Variants in ATP13A5 observed in about 807,000 individuals in gnomAD.
The protein encoded by ATP13A5 is probable cation-transporting ATPase 13A5.
In ATP13A5, 149 loss-of-function variants were observed where a neutral mutation model predicts 150.2. The observed-to-expected ratio is 0.99, with a 90% CI of 0.87 to 1.14. The LOEUF is 1.14. Ranked by LOEUF, ATP13A5 falls within the 50% of genes most tolerant of loss-of-function variation. The probability of loss-of-function intolerance (pLI) is 0.00; values close to 1 mark genes in which losing one functional copy is unlikely to be tolerated. For synonymous variants in ATP13A5, 497 were observed against 522.2 expected (o/e 0.95, Z 0.66); for missense variants, 1,383 against 1,449.3 (o/e 0.95, Z 0.74).
chr3:193,336,166 C>T (rs1711850412), intron 9 of ATP13A5, among the ~76,000 whole-genome samples: 1 of 152,048 alleles, frequency 6.6e-6, no homozygotes, highest in Non-Finnish European at 1.5e-5. Context: ...GGAACAAGAA[C>T]TTTGACATAT....
In ATP13A5 at chr3:193,363,258, G is replaced by T. The variant is rs770810735; in HGVS notation, c.362C>A (p.Ala121Asp). The stretch of plus-strand genomic sequence containing the variant: ...TACTTTTAATTCTGGCTTTATTAAG[G>T]CTTGGTTTATGACAGAGTGGCGGTC... ...VADRHSVINQALIKPELKLRC... is the reference protein window; with the variant it reads ...VADRHSVINQDLIKPELKLRC... The change falls in exon 3 of 30, where the codon GCC becomes GAC. Residue 121 changes from alanine to aspartate, a missense_variant. Transcript: ENST00000342358. The T allele has an allele frequency of 1.2e-5, 19 of 1,613,530 alleles. No individual in the cohort carries two copies. The highest frequency in any genetic ancestry group is 1.5e-5 in the Non-Finnish European group (18 of 1,179,660).
At chr3:193,348,003 A>G (rs1276528082) in intron 7 of ATP13A5, among the ~76,000 whole-genome samples, 1 of 152,208 alleles carries the variant, frequency 6.6e-6, no homozygotes, top group African/African-American at 2.4e-5. Context: ...AGCCTATCAC[A>G]TAGTAGGCCC....
At chr3:193,275,716 A>C (rs1192845091) in intron 29 of ATP13A5, among the ~76,000 whole-genome samples, 1 of 152,186 alleles carries the variant, frequency 6.6e-6, no homozygotes, top group Non-Finnish European at 1.5e-5. Flanking sequence ...TAGAAATCAA[A>C]TGTTTATTGG....
chr3:193,279,308 A>G (rs577515314), intron 28 of ATP13A5, 58 bp downstream of exon 28: 63 of 1,306,854 alleles, frequency 4.8e-5, no homozygotes, highest in African/African-American at 3.8e-4. Context: ...GTGAATTACA[A>G]TGAATACATG....
At chr3:193,358,373 A>C (rs2108897222) in intron 5 of ATP13A5, among the ~76,000 whole-genome samples, 1 of 152,332 alleles carries the variant, frequency 6.6e-6, no homozygotes. Flanking sequence ...TCACAGATGC[A>C]CAGGACATGG....
At chr3:193,282,308 T>C (rs1028594367) in intron 27 of ATP13A5, among the ~76,000 whole-genome samples, 1 of 152,164 alleles carries the variant, frequency 6.6e-6, no homozygotes, top group Non-Finnish European at 1.5e-5. Context: ...GTATTAGTAA[T>C]AATTCGTTAA....
chr3:193,343,260 T>G (rs1252919184), intron 9 of ATP13A5, among the ~76,000 whole-genome samples: 2 of 152,210 alleles, frequency 1.3e-5, no homozygotes, highest in Non-Finnish European at 2.9e-5. Context: ...TGTATTTTAA[T>G]TTTTTGCCTA....
At chr3:193,333,144 C>T (rs530381299) in intron 11 of ATP13A5, among the ~76,000 whole-genome samples, 2 of 150,624 alleles carry the variant, frequency 1.3e-5, no homozygotes, top group African/African-American at 5.0e-5. Flanking sequence ...CTCTCTCACA[C>T]ACACACACAC....
At position 193,378,730 on chromosome 3, in the gene ATP13A5, A is replaced by T. The variant is rs768190359; in HGVS notation, c.-5T>A. ...CTTCTTACTGTTCTCTTCCATCTGA[A>T]CTCAACCGGCGAGGATCTCTTCTGG... On this transcript the variant is annotated 5_prime_UTR_variant, in exon 1 of 30. Coordinates refer to ENST00000342358, the MANE Select transcript of ATP13A5 (RefSeq NM_198505.4). 52 of 1,613,398 alleles carry T rather than the reference A, an allele frequency of 3.2e-5. No individual in the cohort carries two copies. The South Asian group carries it at 5.7e-4, about 18-fold the overall frequency.
At chr3:193,352,345 G>A (rs1270583905) in intron 6 of ATP13A5, among the ~76,000 whole-genome samples, 1 of 152,146 alleles carries the variant, frequency 6.6e-6, no homozygotes, top group African/African-American at 2.4e-5. Context: ...TAGATTATGT[G>A]CAAATGATAA....
chr3:193,312,882 G>A (rs1473262910), intron 19 of ATP13A5: 1 of 152,152 alleles, frequency 6.6e-6, no homozygotes, highest in Non-Finnish European at 1.5e-5. Flanking sequence ...CCTGAGACAA[G>A]GGCAGGAATT....
At position 193,289,959 on chromosome 3, in the gene ATP13A5, G is replaced by A. The variant is rs1439624418; in HGVS notation, c.2949C>T (p.Phe983=). 1 of 1,612,952 alleles carries A rather than the reference G, an allele frequency of 6.2e-7. No homozygotes were observed. Among genetic ancestry groups the A allele is most frequent in the South Asian group, 1.1e-5 (1 of 91,030 alleles). ...LLLSIFLNSC[F]SCIVQISAFL... Reference sequence around the variant, plus strand: ...ATGCACTGATCTGCACAATGCAGGAGAAACAGGAATTCAAAAATATTGAAA... The same window carrying A: ...ATGCACTGATCTGCACAATGCAGGAAAAACAGGAATTCAAAAATATTGAAA... Residue 983 remains phenylalanine, a synonymous_variant, in exon 26 of 30, where the codon TTC becomes TTT. Coordinates refer to ENST00000342358, the MANE Select transcript of ATP13A5 (RefSeq NM_198505.4).
At chr3:193,309,616 T>G (rs778258653) in intron 21 of ATP13A5, among the ~76,000 whole-genome samples, 11 of 152,120 alleles carry the variant, frequency 7.2e-5, no homozygotes, top group Non-Finnish European at 1.0e-4. Context: ...AACAGCAACA[T>G]CCGTCTTGTG....
chr3:193,321,772 G>T lies in ATP13A5; in HGVS notation c.1824C>A (p.Ser608=), dbSNP rs756924623. Residue 608 remains serine, a synonymous_variant, in exon 16 of 30, where the codon TCC becomes TCA. Transcript: ENST00000342358. ...TCTCCCCAGCTAGCTGAGCGATCACGGACATCCTCTGCAGGCTCGAGGAAA... is the reference window on the plus strand; with the variant it reads ...TCTCCCCAGCTAGCTGAGCGATCACTGACATCCTCTGCAGGCTCGAGGAAA... The part of the protein sequence containing the change: ...FPFSSSLQRM[S]VIAQLAGENH... The T allele has an allele frequency of 6.2e-7, 1 of 1,614,066 alleles. No individual in the cohort carries two copies. Among genetic ancestry groups the T allele is most frequent in the African/African-American group, 1.3e-5 (1 of 74,934 alleles).
Position 193,333,067 on chromosome 3 carries a change from C to T in ATP13A5, c.1272+683G>A, listed in dbSNP as rs139168036. Among the ~76,000 whole-genome samples, 48 of 152,052 alleles carry T rather than the reference C, an allele frequency of 3.2e-4. No homozygotes were observed. In the East Asian group the frequency reaches 7.9e-3, roughly 25 times the overall value. ...TAACTACTCAGCAGTTAAGTTTTGG[C>T]GTGAACATTGCCTTGAAATTCTTGT... On this transcript the variant is annotated intron_variant, in intron 11 of 29. Transcript: ENST00000342358.
intron 29 of ATP13A5, 118 bp from the exon 30 acceptor site, chr3:193,275,420 G>A: frequency 1.7e-6 from 2 of 1,156,096 alleles, no homozygotes; most frequent in South Asian, 1.5e-5. Context: ...GCTCATTGCT[G>A]TTGCATCTAC....
intron 24 of ATP13A5, 118 bp from the exon 25 acceptor site, chr3:193,299,321 GGAA>G (rs1718308838): frequency 4.5e-6 from 3 of 670,716 alleles, no homozygotes; most frequent in Non-Finnish European, 7.3e-6. Context: ...TCCCTCTTCA[GGAA>G]GAAAATGACT....
chr3:193,319,211 A>C, intron 16 of ATP13A5, 103 bp from the exon 17 acceptor site: 1 of 793,482 alleles, frequency 1.3e-6, no homozygotes, highest in Non-Finnish European at 2.0e-6. Flanking sequence ...CTTTCATTCC[A>C]TAAAAGCACT....
chr3:193,296,025 C>T (rs948915296), intron 25 of ATP13A5, among the ~76,000 whole-genome samples: 2 of 152,040 alleles, frequency 1.3e-5, no homozygotes, highest in Admixed American at 6.6e-5. Context: ...CAGGCAGCAG[C>T]GAGAGCAAGC....
Sources: gnomAD v4.1 joint callset for allele counts (sites outside exome capture counted in the v4.1 genomes callset) on GRCh38, gnomAD v4.1.1 for gene constraint, MANE v1.5 for transcripts, NCBI Gene and HGNC (gene_info 2026-07-23, HGNC 2026-07-21) for gene names.